Variants in MACROD2 observed in about 807,000 individuals in gnomAD.
MACROD2 encodes the protein ADP-ribose glycohydrolase MACROD2.
A neutral mutation model predicts 70.4 loss-of-function variants in MACROD2; 36 were observed. The observed-to-expected ratio is 0.51, with a 90% CI of 0.39 to 0.68. The LOEUF (loss-of-function observed/expected upper bound fraction) is 0.68, where lower values mean the gene tolerates loss of function less well. Among genes scored for constraint, MACROD2 ranks in the 30% least tolerant of loss-of-function variants. MACROD2 has a pLI of 0.00. For synonymous variants in MACROD2, 172 were observed against 178.8 expected, an observed-to-expected ratio of 0.96 and a Z score of 0.30; for missense variants, 496 against 538.4, an observed-to-expected ratio of 0.92 and a Z score of 0.78.
At chr20:14,105,537 G>A (rs12373859) in intron 3 of MACROD2, among the ~76,000 whole-genome samples, 2 of 152,154 alleles carry the variant, frequency 1.3e-5, no homozygotes, top group African/African-American at 4.8e-5. Context: ...GGGCCAGAGT[G>A]CTCTGGGGTC....
Position 14,434,521 on chromosome 20 carries a change from T to C in MACROD2, c.272-58958T>C, listed in dbSNP as rs560215832. Among the ~76,000 whole-genome samples the C allele has an allele frequency of 3.3e-5, 5 of 152,262 alleles. No individual in the cohort carries two copies. The South Asian group carries it at 1.0e-3, about 32-fold the overall frequency. ...CTTGCAATTGTTAGTTTAAATTCTC[T>C]CATCCAGCCTTTATTACAGACACCC... On this transcript the variant is annotated intron_variant, in intron 3 of 17. Coordinates refer to ENST00000684519, the MANE Select transcript of MACROD2 (RefSeq NM_001351661.2).
intron 3 of MACROD2, among the ~76,000 whole-genome samples, chr20:14,116,259 G>A (rs141567009): frequency 8.5e-5 from 13 of 152,244 alleles, no homozygotes; most frequent in Non-Finnish European, 1.6e-4. Context: ...TTATTAAAAC[G>A]CAATTACCAA....
intron 3 of MACROD2, among the ~76,000 whole-genome samples, chr20:14,435,487 G>A (rs1414307561): frequency 6.6e-6 from 1 of 152,074 alleles, no homozygotes; most frequent in African/African-American, 2.4e-5. Context: ...TGTTCATAGT[G>A]GAGGTATGAT....
intron 6 of MACROD2, among the ~76,000 whole-genome samples, chr20:15,353,608 A>T (rs912918170): frequency 7.2e-5 from 11 of 151,904 alleles, no homozygotes; most frequent in Non-Finnish European, 1.3e-4. Context: ...TACTCATCTG[A>T]CAAAGGGCTA....
chr20:14,062,425 G>C (rs2053701401), intron 2 of MACROD2, among the ~76,000 whole-genome samples: 1 of 152,126 alleles, frequency 6.6e-6, no homozygotes, highest in Non-Finnish European at 1.5e-5. Flanking sequence ...CAGTCATTCA[G>C]AGTAGTGAAA....
intron 8 of MACROD2, among the ~76,000 whole-genome samples, chr20:15,537,063 G>A (rs1317853866): frequency 6.6e-6 from 1 of 152,074 alleles, no homozygotes; most frequent in Admixed American, 6.5e-5. Flanking sequence ...TTGAATTTTA[G>A]CTCCCATAAT....
intron 2 of MACROD2, among the ~76,000 whole-genome samples, chr20:14,013,935 A>C (rs1386614983): frequency 2.0e-5 from 3 of 152,190 alleles, no homozygotes; most frequent in South Asian, 2.1e-4. Context: ...CAGGCTCCCA[A>C]GGAAGCTTGT....
chr20:14,084,061 C>A (rs1174162734), intron 2 of MACROD2, among the ~76,000 whole-genome samples: 7 of 59,850 alleles, frequency 1.2e-4, no homozygotes, highest in African/African-American at 1.4e-4. Context: ...GACTCCGTCT[C>A]AAAAAAAAAC....
intron 12 of MACROD2, among the ~76,000 whole-genome samples, chr20:15,958,236 T>C (rs997352861): frequency 1.1e-4 from 16 of 152,186 alleles, no homozygotes; most frequent in African/African-American, 3.9e-4. Flanking sequence ...AACATTTACA[T>C]AGTGTCCGGC....
chr20:14,813,663 G>A (rs142693712), intron 5 of MACROD2, among the ~76,000 whole-genome samples: 1 of 152,052 alleles, frequency 6.6e-6, no homozygotes, highest in South Asian at 2.1e-4. Context: ...GTGGGAAGGG[G>A]TGTGGAGTTT....
At chr20:15,646,421 G>A (rs566862710) in intron 8 of MACROD2, among the ~76,000 whole-genome samples, 5 of 152,268 alleles carry the variant, frequency 3.3e-5, no homozygotes, top group African/African-American at 7.2e-5. Flanking sequence ...AAAAGTCTTC[G>A]TATTTTAGTT....
intron 6 of MACROD2, among the ~76,000 whole-genome samples, chr20:15,383,237 C>A (rs569419766): frequency 3.4e-4 from 51 of 152,174 alleles, no homozygotes; most frequent in African/African-American, 1.1e-3. Context: ...CAGAATAATC[C>A]CCAAACATGT....
intron 4 of MACROD2, among the ~76,000 whole-genome samples, chr20:14,518,071 A>G (rs423060): frequency 0.18 from 27,549 of 151,894 alleles, 2,782 homozygotes; most frequent in South Asian, 0.37. Context: ...TTGTAATTCT[A>G]TTTTTCATTG....
At chr20:15,297,248 A>G (rs960711524) in intron 6 of MACROD2, among the ~76,000 whole-genome samples, 5 of 152,166 alleles carry the variant, frequency 3.3e-5, no homozygotes, top group Non-Finnish European at 7.4e-5. Context: ...ACACTCACCC[A>G]AATAAGTGCT....
At chr20:15,708,226 C>A (rs73897828) in intron 8 of MACROD2, among the ~76,000 whole-genome samples, 30,696 of 152,042 alleles carry the variant, frequency 0.2, 4,942 homozygotes, top group African/African-American at 0.45. Flanking sequence ...TGCCCTTGTG[C>A]AGCTTAGTTC....
At chr20:15,356,619 A>G (rs1014775955) in intron 6 of MACROD2, among the ~76,000 whole-genome samples, 2 of 152,082 alleles carry the variant, frequency 1.3e-5, no homozygotes, top group African/African-American at 4.8e-5. Context: ...CTCTGTCTCT[A>G]CTGAAAGTAC....
chr20:15,678,544 A>G (rs954382359), intron 8 of MACROD2, among the ~76,000 whole-genome samples: 3 of 152,118 alleles, frequency 2.0e-5, no homozygotes, highest in African/African-American at 7.2e-5. Flanking sequence ...TATTTTTAGT[A>G]GAGACGAGGT....
intron 5 of MACROD2, among the ~76,000 whole-genome samples, chr20:14,778,711 C>G (rs2072263841): frequency 6.6e-6 from 1 of 152,126 alleles, no homozygotes; most frequent in South Asian, 2.1e-4. Flanking sequence ...TCCTCTGGCT[C>G]TCCCACTTGA....
intron 3 of MACROD2, among the ~76,000 whole-genome samples, chr20:14,111,766 G>A (rs2054453856): frequency 6.6e-6 from 1 of 152,044 alleles, no homozygotes; most frequent in Non-Finnish European, 1.5e-5. Flanking sequence ...TGATGGGAAT[G>A]TAAGCTAGTA....
Sources: gnomAD v4.1 joint callset for allele counts (sites outside exome capture counted in the v4.1 genomes callset) on GRCh38, gnomAD v4.1.1 for gene constraint, MANE v1.5 for transcripts, NCBI Gene and HGNC (gene_info 2026-07-23, HGNC 2026-07-21) for gene names.